MROH6: variants seen among roughly 807,000 people sequenced by gnomAD.
MROH6 encodes maestro heat like repeat family member 6.
In MROH6, 62 loss-of-function variants were observed where a neutral mutation model predicts 67.7. The ratio of observed to expected loss-of-function variants is 0.92; its 90% CI spans 0.75 to 1.13. The LOEUF is 1.13. Ranked by LOEUF, MROH6 falls within the 50% of genes most tolerant of loss-of-function variation. The pLI, the probability that MROH6 is intolerant of heterozygous loss-of-function variation, is 0.00. For synonymous variants in MROH6, 566 were observed against 470.8 expected (o/e 1.20, Z -2.62); for missense variants, 1,175 against 1,029.1 (o/e 1.14, Z -1.94).
Position 143,568,660 on chromosome 8 carries a change from GC to G in MROH6, c.1535del (p.Gly512AlafsTer70), listed in dbSNP as rs1378039075. 1.3e-6 allele frequency: 2 copies of G among 1,531,820 alleles called. No individual in the cohort carries two copies. The highest frequency in any genetic ancestry group is 1.7e-6 in the Non-Finnish European group (2 of 1,144,172). 94.9% of individuals were successfully genotyped at this position (1,531,820 alleles called of 1,614,324 possible). A position where few individuals can be genotyped will look rare whatever the true frequency, so the allele number is the denominator to read the frequency against. ...GGAGCCCCAGCCGGAGCCCGCCCCG[GC>G]CCCGGCGCACCAGAGTCCCAAGGAG... ...VGLLGTLVRR[G>X]RGGLRLGLRG... On this transcript the variant is annotated frameshift_variant, in exon 10 of 14. Coordinates refer to ENST00000398882, the MANE Select transcript of MROH6 (RefSeq NM_001100878.2). LOFTEE classifies it high-confidence loss of function.
Position 143,570,602 on chromosome 8 carries a change from C to G in MROH6, c.776G>C (p.Arg259Thr), listed in dbSNP as rs1364513448. Residue 259 changes from arginine (R) to threonine (T), a missense_variant, in exon 5 of 14, where the codon AGG (arginine) becomes ACG (threonine). By Grantham distance (71) the Arg-to-Thr change is moderately conservative. Transcript: ENST00000398882. ...AAGCAGCAGATGTGGGTAGAAGCCC[C>G]TCGTGGCTCCCACGCAGCCCGAAAC... is the stretch of plus-strand genomic sequence containing the variant. ...LAVSGCVGAT[R>T]GFYPHLLLAL... is the part of the protein sequence containing the mutation. 1.2e-6 allele frequency: 2 copies of G among 1,603,092 alleles called. No individual in the cohort carries two copies. The highest frequency in any genetic ancestry group is 1.7e-6 in the Non-Finnish European group (2 of 1,179,748).
At position 143,569,443 on chromosome 8, in the gene MROH6, C is replaced by A. The variant is rs1385096415; in HGVS notation, c.1474G>T (p.Asp492Tyr). ...LGPRLPPLLD[D>Y]TRDSIRASAV... The stretch of plus-strand genomic sequence containing the variant: ...CCGGAGGCGGGGCGTTTGCTCACGT[C>A]GTCCAGTAGCGGAGGGAGGCGCGGT... Residue 492 changes from aspartate (D) to tyrosine (Y), a missense_variant and splice_region_variant, in exon 9 of 14, where the codon GAC becomes TAC. Physicochemically the swap from Asp to Tyr is radical, Grantham distance 160 (BLOSUM62 -3). Coordinates refer to ENST00000398882, the MANE Select transcript of MROH6 (RefSeq NM_001100878.2). 49 of 1,444,298 alleles carry A rather than the reference C, an allele frequency of 3.4e-5. No homozygotes were observed. Among genetic ancestry groups the A allele is most frequent in the East Asian group, 1.1e-4 (4 of 35,008 alleles). 89.5% of individuals were successfully genotyped at this position (1,444,298 alleles called of 1,614,324 possible).
rs1824054295 is a variant in MROH6, at chr8:143,571,726, G to A, written c.543C>T (p.Ala181=). 3 of 1,550,352 alleles carry A rather than the reference G, an allele frequency of 1.9e-6. No homozygotes were observed. In the African/African-American group the frequency reaches 4.1e-5, roughly 21 times the overall value. The part of the protein sequence containing the change: ...RAALRVLSAL[A]LEHARDVVCA... Reference sequence around the variant, plus strand: ...ACACCACGTCCCGCGCATGCTCCAGGGCCAGTGCGCTCAGCACTCGCAGGG... The same window carrying A: ...ACACCACGTCCCGCGCATGCTCCAGAGCCAGTGCGCTCAGCACTCGCAGGG... The change falls in exon 3 of 14, where the codon GCC becomes GCT. Residue 181 remains alanine, a synonymous_variant. Coordinates refer to ENST00000398882, the MANE Select transcript of MROH6 (RefSeq NM_001100878.2).
intron 3 of MROH6, 52 bp from the exon 4 acceptor site, chr8:143,571,046 G>A: frequency 6.8e-7 from 1 of 1,473,854 alleles, no homozygotes; most frequent in Non-Finnish European, 9.3e-7. Flanking sequence ...GGGTGTCCAG[G>A]GAATGTAGGG....
chr8:143,572,335 A>AC lies in MROH6; in HGVS notation c.294+85dup, dbSNP rs567194194. ...CACGCTGACCTCCCCCGGGGCCAGCACCGCCCCCCTGCCACCCCGCCTTCC... is the reference window on the plus strand; with the variant it reads ...CACGCTGACCTCCCCCGGGGCCAGCACCCGCCCCCCTGCCACCCCGCCTTCC... On this transcript the variant is annotated intron_variant, in intron 1 of 13. Coordinates refer to ENST00000398882, the MANE Select transcript of MROH6 (RefSeq NM_001100878.2). 2,297 of 1,478,764 alleles carry AC rather than the reference A, an allele frequency of 1.6e-3. 4 individuals carry two copies. The highest frequency in any genetic ancestry group is 2.7e-3 in the Middle Eastern group (15 of 5,576). The allele number at this position is 1,478,764 out of a possible 1,614,324, so 91.6% of individuals were successfully genotyped here.
intron 10 of MROH6, 40 bp downstream of exon 10, chr8:143,568,512 T>C: frequency 6.7e-7 from 1 of 1,490,282 alleles, no homozygotes; most frequent in Non-Finnish European, 8.9e-7. Flanking sequence ...TGGTGAGTGT[T>C]GGATGGCATA....
intron 7 of MROH6, 23 bp downstream of exon 7, chr8:143,569,928 A>G: frequency 6.2e-7 from 1 of 1,612,002 alleles, no homozygotes; most frequent in Non-Finnish European, 8.5e-7. Flanking sequence ...ACCCTTCACC[A>G]CCCATCCGGG....
At position 143,568,552 on chromosome 8, in the gene MROH6, C is replaced by T. The variant is rs757638367; in HGVS notation, c.1644G>A (p.Glu548=). Residue 548 remains glutamate (E), a splice_region_variant and synonymous_variant, in exon 10 of 14, where the codon GAG becomes GAA. Coordinates refer to ENST00000398882, the MANE Select transcript of MROH6 (RefSeq NM_001100878.2). ...RLHDPSRDAA[E]SSEWTLARCD... is the part of the protein sequence containing the mutation. ...TGGGATGGTGTCGGGGGCTGCTGAC[C>T]TCAGCAGCGTCCCTGCTGGGGTCAT... The T allele has an allele frequency of 8.5e-6, 13 of 1,534,396 alleles. No individual in the cohort carries two copies. In the East Asian group the frequency reaches 2.6e-4, roughly 31 times the overall value.
Position 143,567,767 on chromosome 8 carries a change from T to C in MROH6, c.1867+19A>G. On this transcript the variant is annotated intron_variant, in intron 12 of 13. Transcript: ENST00000398882. ...CAAAGCCCCGGTGCCAGGGGCAGTG[T>C]GACCCCGGGCGGCCTCACCTATAAG... 1 of 1,567,514 alleles carries C rather than the reference T, an allele frequency of 6.4e-7. No individual in the cohort carries two copies. Among genetic ancestry groups the C allele is most frequent in the South Asian group, 1.2e-5 (1 of 85,534 alleles).
intron 6 of MROH6, 42 bp from the exon 7 acceptor site, chr8:143,570,107 C>T: frequency 6.3e-7 from 1 of 1,591,082 alleles, no homozygotes. Flanking sequence ...CGTTTGGCGG[C>T]CTTTCTCCTC....
At position 143,570,902 on chromosome 8, in the gene MROH6, G is replaced by A. The variant is rs563804726; in HGVS notation, c.695C>T (p.Ser232Leu). ...VQLLWALKGA[S>L]GPEPQALAAT... is the part of the protein sequence containing the mutation. ...CGCCAGTGCCTGGGGCTCCGGCCCCGAAGCACCCTTCAGCGCCCACAGCAG... is the reference window on the plus strand; with the variant it reads ...CGCCAGTGCCTGGGGCTCCGGCCCCAAAGCACCCTTCAGCGCCCACAGCAG... The change falls in exon 4 of 14, where the codon TCG becomes TTG. Residue 232 changes from serine to leucine, a missense_variant. Physicochemically the swap from Ser to Leu is moderately radical, Grantham distance 145 (BLOSUM62 -2). Transcript: ENST00000398882. 442 of 1,289,364 alleles carry A rather than the reference G, an allele frequency of 3.4e-4. 3 individuals carry two copies. The South Asian group carries it at 4.3e-3, about 13-fold the overall frequency. The allele number at this position is 1,289,364 out of a possible 1,614,324, so 79.9% of individuals were successfully genotyped here.
rs1587006210 is a variant in MROH6 at position 143,567,461 on chromosome 8, T to C, written c.1938A>G (p.Leu646=). ...GCTTGGGGTCGCTCTGCAGTCGCCC[T>C]AGGTCTGCGAGGAGATCGCGGCTCA... ...QDLLDSLFQD[L]GRLQSDPKPA... The change falls in exon 14 of 14, where the codon CTA becomes CTG. Residue 646 remains leucine (L), a synonymous_variant. Transcript: ENST00000398882. 7.1e-7 allele frequency: 1 copy of C among 1,406,556 alleles called. No individual in the cohort carries two copies. Among genetic ancestry groups the C allele is most frequent in the Non-Finnish European group, 9.3e-7 (1 of 1,077,250 alleles). The allele number at this position is 1,406,556 out of a possible 1,614,324, so 87.1% of individuals were successfully genotyped here. A position where few individuals can be genotyped will look rare whatever the true frequency, so the allele number is the denominator to read the frequency against.
Position 143,572,540 on chromosome 8 carries a change from G to C in MROH6, c.175C>G (p.Gln59Glu), listed in dbSNP as rs1301496309. Residue 59 changes from glutamine (Q) to glutamate (E), a missense_variant, in exon 1 of 14, where the codon CAG (glutamine) becomes GAG (glutamate). Gln to Glu is a conservative substitution (Grantham distance 29). Coordinates refer to ENST00000398882, the MANE Select transcript of MROH6 (RefSeq NM_001100878.2). The part of the protein sequence containing the change: ...EVKPEAEPQT[Q>E]ALTAPSEAEP... ...GCCTCAGAGGGGGCGGTGAGTGCCT[G>C]GGTCTGTGGCTCAGCCTCAGGTTTG... is the stretch of plus-strand genomic sequence containing the variant. 1 of 1,606,624 alleles carries C rather than the reference G, an allele frequency of 6.2e-7. No individual in the cohort carries two copies. The highest frequency in any genetic ancestry group is 1.3e-5 in the African/African-American group (1 of 74,878).
At chr8:143,569,410 G>A (rs1377462664) in intron 9 of MROH6, 31 bp downstream of exon 9, 4 of 1,412,954 alleles carry the variant, frequency 2.8e-6, no homozygotes, top group East Asian at 2.9e-5. Flanking sequence ...CAGCGGCAGG[G>A]GCGGGACCCG....
Position 143,566,897 on chromosome 8 carries a change from A to T in MROH6, c.*342T>A. The T allele has an allele frequency of 5.0e-6, 1 of 201,058 alleles. No homozygotes were observed. Among genetic ancestry groups the T allele is most frequent in the Non-Finnish European group, 1.0e-5 (1 of 99,204 alleles). 12.5% of individuals were successfully genotyped at this position (201,058 alleles called of 1,614,324 possible). A position where few individuals can be genotyped will look rare whatever the true frequency, so the allele number is the denominator to read the frequency against. On this transcript the variant is annotated 3_prime_UTR_variant, in exon 14 of 14. Transcript: ENST00000398882. ...CTGTCCAGGCATGAGGTGGAGACCC[A>T]GGAGGGCAGGCTATGGGACCACCAA...
chr8:143,568,579 C>A lies in MROH6; in HGVS notation c.1617G>T (p.Leu539=). 6.5e-7 allele frequency: 1 copy of A among 1,546,762 alleles called. No individual in the cohort carries two copies. Among genetic ancestry groups the A allele is most frequent in the Non-Finnish European group, 8.7e-7 (1 of 1,152,966 alleles). The change falls in exon 10 of 14, where the codon CTG becomes CTT. Residue 539 remains leucine (L), a synonymous_variant. Transcript: ENST00000398882. ...LQSLVPLLLR[L]HDPSRDAAES... is the part of the protein sequence containing the mutation. ...CAGCAGCGTCCCTGCTGGGGTCATG[C>A]AGGCGCAGCAGCAGCGGCACGAGAC...
In MROH6 at chr8:143,568,539, G is replaced by A. The variant is rs1319031327; in HGVS notation, c.1644+13C>T. 1.3e-6 allele frequency: 2 copies of A among 1,517,106 alleles called. No individual in the cohort carries two copies. The highest frequency in any genetic ancestry group is 1.8e-6 in the Non-Finnish European group (2 of 1,137,124). The allele number at this position is 1,517,106 out of a possible 1,614,324, so 94.0% of individuals were successfully genotyped here. ...GATGGCATAGGGGTGGGATGGTGTC[G>A]GGGGCTGCTGACCTCAGCAGCGTCC... On this transcript the variant is annotated intron_variant, in intron 10 of 13. Coordinates refer to ENST00000398882, the MANE Select transcript of MROH6 (RefSeq NM_001100878.2).
At position 143,570,963 on chromosome 8, in the gene MROH6, G is replaced by T; in HGVS notation, c.634C>A (p.Arg212Ser). 2 of 1,548,968 alleles carry T rather than the reference G, an allele frequency of 1.3e-6. No individual in the cohort carries two copies. Among genetic ancestry groups the T allele is most frequent in the Non-Finnish European group, 1.7e-6 (2 of 1,146,914 alleles). The part of the protein sequence containing the change: ...VAAELWRSLS[R>S]NQRVNGQVLV... ...ACCTGCCCATTTACACGCTGGTTAC[G>T]GCTTAGGCTGCGCCAGAGCTCGGCT... The change falls in exon 4 of 14, where the codon CGT (arginine) becomes AGT (serine). Residue 212 changes from arginine (R) to serine (S), a missense_variant. Coordinates refer to ENST00000398882, the MANE Select transcript of MROH6 (RefSeq NM_001100878.2).
rs202186931 is a variant in MROH6, at chr8:143,567,938, G to A, written c.1765-50C>T. On this transcript the variant is annotated intron_variant, in intron 11 of 13. Coordinates refer to ENST00000398882, the MANE Select transcript of MROH6 (RefSeq NM_001100878.2). ...GGACAGGAGGGCTGATCCTGAGTGC[G>A]GAGGAGGCTGCAGAGCTGAATCCAG... is the stretch of plus-strand genomic sequence containing the variant. 7.5e-5 allele frequency: 111 copies of A among 1,489,820 alleles called. 1 individual carries two copies. In the East Asian group the frequency reaches 1.4e-3, roughly 19 times the overall value. The allele number at this position is 1,489,820 out of a possible 1,614,324, so 92.3% of individuals were successfully genotyped here.
Sources: gnomAD v4.1 joint callset for allele counts on GRCh38, gnomAD v4.1.1 for gene constraint, MANE v1.5 for transcripts, NCBI Gene and HGNC (gene_info 2026-07-23, HGNC 2026-07-21) for gene names.